The following TASOR2 variants were observed in gnomAD, a reference collection of about 807,000 sequenced individuals.
TASOR2 encodes the protein protein TASOR 2.
Under a neutral mutation model 199.5 loss-of-function variants are expected in TASOR2, and 84 were observed. The ratio of observed to expected loss-of-function variants is 0.42; its 90% CI spans 0.35 to 0.50. The LOEUF is 0.50. Among genes scored for constraint, TASOR2 ranks in the 20% least tolerant of loss-of-function variants. TASOR2 has a pLI of 0.02. For missense variants in TASOR2, 2,796 were observed against 2,835.9 expected (o/e 0.99, Z 0.32); for synonymous variants, 1,103 against 1,046.6 (o/e 1.05, Z -1.04).
rs191776650 is a variant in TASOR2, at chr10:5,703,858, A to T, written c.-287-8965A>T. Among the ~76,000 whole-genome samples the T allele has an allele frequency of 4.3e-3, 650 of 152,156 alleles. 2 individuals carry two copies. Among genetic ancestry groups the T allele is most frequent in the Non-Finnish European group, 7.1e-3 (485 of 67,988 alleles). ...GTGTTGTCATTGGTGATGTTACCTT[A>T]AAATGTTCTTTTATAGTTGTTCCTT... is the stretch of plus-strand genomic sequence containing the variant. On this transcript the variant is annotated intron_variant, in intron 1 of 20. Coordinates refer to ENST00000328090, the Ensembl canonical transcript of TASOR2.
chr10:5,688,422 T>G (rs907264713), intron 1 of TASOR2, among the ~76,000 whole-genome samples: 1 of 75,292 alleles, frequency 1.3e-5, no homozygotes, highest in Non-Finnish European at 2.8e-5. Flanking sequence ...TTTTTTTTTG[T>G]AGAGACAGTA....
chr10:5,757,033 T>C (rs909265756), intron 16 of TASOR2, among the ~76,000 whole-genome samples: 13 of 152,248 alleles, frequency 8.5e-5, no homozygotes, highest in Non-Finnish European at 1.5e-4. Context: ...AATCTTGCCT[T>C]AAAAGACCTT....
In TASOR2 at chr10:5,720,431, T is replaced by C; in HGVS notation, c.-99-113T>C. On this transcript the variant is annotated intron_variant, in intron 3 of 20. Transcript: ENST00000328090. The surrounding 1 kb of genome is among the most constrained non-coding windows in gnomAD (Gnocchi z 5.3). ...ACCTGTGAATGAGTAACACCCAAGATATATTTCTGACTCTAATGTGTTAAA... is the reference window on the plus strand; with the variant it reads ...ACCTGTGAATGAGTAACACCCAAGACATATTTCTGACTCTAATGTGTTAAA... 1 of 1,413,866 alleles carries C rather than the reference T, an allele frequency of 7.1e-7. No homozygotes were observed. The highest frequency in any genetic ancestry group is 2.5e-5 in the East Asian group (1 of 39,548). The allele number at this position is 1,413,866 out of a possible 1,614,324, so 87.6% of individuals were successfully genotyped here.
chr10:5,703,837 T>TGTC (rs976678009), intron 1 of TASOR2, among the ~76,000 whole-genome samples: 26 of 152,122 alleles, frequency 1.7e-4, no homozygotes, highest in Non-Finnish European at 2.9e-4. Context: ...TTGCATGTGT[T>TGTC]GTCATTGGTG....
intron 1 of TASOR2, among the ~76,000 whole-genome samples, chr10:5,705,837 A>G (rs189048778): frequency 1.3e-5 from 2 of 152,248 alleles, no homozygotes; most frequent in Non-Finnish European, 2.9e-5. Context: ...CCCATTTCTT[A>G]ATAATGATAC....
rs1368920805 is a variant in TASOR2 at position 5,689,278 on chromosome 10, A to T, written c.-288+4103A>T. ...GTGGGTTCTTTTGTTGTTTGTTTTGATCTTTAGCTTTTTGCTGCTTTGCTG... is the reference window on the plus strand; with the variant it reads ...GTGGGTTCTTTTGTTGTTTGTTTTGTTCTTTAGCTTTTTGCTGCTTTGCTG... On this transcript the variant is annotated intron_variant, in intron 1 of 20. Coordinates refer to ENST00000328090, the Ensembl canonical transcript of TASOR2. The surrounding 1 kb of genome is among the most constrained non-coding windows in gnomAD (Gnocchi z 4.1). 6.6e-6 allele frequency among the ~76,000 whole-genome samples: 1 copy of T among 151,320 alleles called. No individual in the cohort carries two copies. Among genetic ancestry groups the T allele is most frequent in the Non-Finnish European group, 1.5e-5 (1 of 67,840 alleles).
At chr10:5,743,274 A>T (rs758062835) in intron 14 of TASOR2, among the ~76,000 whole-genome samples, 9 of 152,244 alleles carry the variant, frequency 5.9e-5, no homozygotes, top group Non-Finnish European at 1.3e-4. Flanking sequence ...ACCCGGGGTC[A>T]CCGGGGACTT....
chr10:5,712,427 T>C (rs1170531643), intron 1 of TASOR2: 6 of 1,231,616 alleles, frequency 4.9e-6, no homozygotes, highest in Non-Finnish European at 6.1e-6. Flanking sequence ...TCAGACTCTC[T>C]CTTCCAGAGG....
chr10:5,707,332 A>G (rs1838761120), intron 1 of TASOR2, among the ~76,000 whole-genome samples: 1 of 152,164 alleles, frequency 6.6e-6, no homozygotes, highest in African/African-American at 2.4e-5. Context: ...TTATTATTTC[A>G]TGTATAAAGC....
rs1456071663 is a variant in TASOR2 at position 5,748,098 on chromosome 10, T to C, written c.4677T>C (p.Asn1559=). Reference sequence around the variant, plus strand: ...CATTGCAGCCAGTTAGTATAGAGAATAGAAATTTGGACTTAAAACATCTTG... The same window carrying C: ...CATTGCAGCCAGTTAGTATAGAGAACAGAAATTTGGACTTAAAACATCTTG... The change falls in exon 15 of 21, where the codon AAT becomes AAC. Residue 1559 remains asparagine (N), a synonymous_variant. Transcript: ENST00000328090. This position sits in a 1 kb window ranked among gnomAD's most constrained non-coding sequence, Gnocchi z 5.1. 1.2e-6 allele frequency: 2 copies of C among 1,614,222 alleles called. No individual in the cohort carries two copies. Among genetic ancestry groups the C allele is most frequent in the Non-Finnish European group, 1.7e-6 (2 of 1,180,042 alleles).
intron 15 of TASOR2, 83 bp from the exon 17 acceptor site, chr10:5,756,530 G>A: frequency 7.0e-7 from 1 of 1,437,516 alleles, no homozygotes; most frequent in Non-Finnish European, 9.4e-7. Flanking sequence ...AGACTATACT[G>A]CTTTTCATTA....
At position 5,750,111 on chromosome 10, in the gene TASOR2, AAAAG is replaced by A. The variant is rs1172378941; in HGVS notation, c.6606+88_6606+91del. ...AATAAATTTAGCATATTAGCCATCAAAAAGAAATCATGGTATGACATAGTATTTA... is the reference window on the plus strand; with the variant it reads ...AATAAATTTAGCATATTAGCCATCAAAAATCATGGTATGACATAGTATTTA... On this transcript the variant is annotated intron_variant, in intron 15 of 20. Coordinates refer to ENST00000328090, the Ensembl canonical transcript of TASOR2. The surrounding 1 kb of genome is among the most constrained non-coding windows in gnomAD (Gnocchi z 5.4). 3.6e-6 allele frequency: 5 copies of A among 1,394,084 alleles called. No homozygotes were observed. In the East Asian group the frequency reaches 1.2e-4, roughly 34 times the overall value. 86.4% of individuals were successfully genotyped at this position (1,394,084 alleles called of 1,614,324 possible).
chr10:5,707,126 G>T (rs1400879893), intron 1 of TASOR2, among the ~76,000 whole-genome samples: 2 of 152,152 alleles, frequency 1.3e-5, no homozygotes, highest in Non-Finnish European at 2.9e-5. Context: ...AAAGGAATTT[G>T]CTAAGTTATC....
chr10:5,762,537 CCTA>C (rs1262435456), exon 20 of TASOR2: 1 of 859,278 alleles, frequency 1.2e-6, no homozygotes, highest in Non-Finnish European at 1.7e-6. Flanking sequence ...AACAGACAAG[CCTA>C]CTATCCCCAG....
intron 10 of TASOR2, among the ~76,000 whole-genome samples, chr10:5,729,543 T>TA (rs1323084908): frequency 1.3e-5 from 2 of 152,152 alleles, no homozygotes; most frequent in African/African-American, 2.4e-5. Context: ...CTACAAAAAA[T>TA]ACAAAAATTT....
At position 5,723,043 on chromosome 10, in the gene TASOR2, CT is replaced by C. The variant is rs1183983010; in HGVS notation, c.147-608del. 9.6e-3 allele frequency among the ~76,000 whole-genome samples: 702 copies of C among 72,830 alleles called. 6 individuals are homozygous for C. Among genetic ancestry groups the C allele is most frequent in the African/African-American group, 0.018 (324 of 18,074 alleles). The allele number at this position is 72,830 out of a possible 152,430, so 47.8% of individuals were successfully genotyped here. A position where few individuals can be genotyped will look rare whatever the true frequency, so the allele number is the denominator to read the frequency against. On this transcript the variant is annotated intron_variant, in intron 6 of 20. Coordinates refer to ENST00000328090, the Ensembl canonical transcript of TASOR2. ...AAAGGAAAAAGTAGTCAGGAAATAACTTTTTTTTTTTTTTTTTTTTTTTTTT... is the reference window on the plus strand; with the variant it reads ...AAAGGAAAAAGTAGTCAGGAAATAACTTTTTTTTTTTTTTTTTTTTTTTTT...
intron 1 of TASOR2, among the ~76,000 whole-genome samples, chr10:5,686,820 CTCTTT>C (rs1368856387): frequency 6.6e-6 from 1 of 152,176 alleles, no homozygotes; most frequent in African/African-American, 2.4e-5. Context: ...AGTCTGAGCT[CTCTTT>C]TCTTTCGCCC....
In TASOR2 at chr10:5,742,296, G is replaced by C; in HGVS notation, c.2527G>C (p.Gly843Arg). The change falls in exon 14 of 21, where the codon GGT (glycine) becomes CGT (arginine). Residue 843 changes from glycine to arginine, a missense_variant. Physicochemically the swap from Gly to Arg is moderately radical, Grantham distance 125. Transcript: ENST00000328090. This position sits in a 1 kb window ranked among gnomAD's most constrained non-coding sequence, Gnocchi z 4.2. ...GCTCCGTGAAATTGAGGAGTCCCTT[G>C]GTTTGGAAAAATGTTCTGCAGACTC... is the stretch of plus-strand genomic sequence containing the variant. 6.2e-7 allele frequency: 1 copy of C among 1,614,130 alleles called. No individual in the cohort carries two copies. The highest frequency in any genetic ancestry group is 8.5e-7 in the Non-Finnish European group (1 of 1,180,008).
At chr10:5,735,935 A>G (rs958047532) in intron 12 of TASOR2, among the ~76,000 whole-genome samples, 2 of 152,212 alleles carry the variant, frequency 1.3e-5, no homozygotes, top group African/African-American at 4.8e-5. Flanking sequence ...TTATAAACAG[A>G]CTGTCCAAAA....
Sources: allele counts gnomAD v4.1 joint callset (sites outside exome capture counted in the v4.1 genomes callset), GRCh38; gene constraint gnomAD v4.1.1; non-coding constraint Gnocchi (gnomAD v3.1); transcripts MANE v1.5; gene names NCBI Gene and HGNC (gene_info 2026-07-23, HGNC 2026-07-21).